Variants in GRIK4 observed in about 807,000 individuals in gnomAD.
The protein encoded by GRIK4 is glutamate ionotropic receptor kainate type subunit 4.
In GRIK4, 40 loss-of-function variants were observed where a neutral mutation model predicts 104.9. That is an observed-to-expected ratio of 0.38 (90% CI 0.30 to 0.50). The LOEUF (loss-of-function observed/expected upper bound fraction) is 0.50, where lower values mean the gene tolerates loss of function less well. Among genes scored for constraint, GRIK4 ranks in the 20% least tolerant of loss-of-function variants. The pLI, the probability that GRIK4 is intolerant of heterozygous loss-of-function variation, is 0.93. For synonymous variants in GRIK4, 485 were observed against 524.9 expected (o/e 0.92, Z 1.04); for missense variants, 1,047 against 1,308.1 (o/e 0.80, Z 3.08).
intron 8 of GRIK4, among the ~76,000 whole-genome samples, chr11:120,859,572 G>A (rs1158262485): frequency 6.6e-6 from 1 of 152,192 alleles, no homozygotes; most frequent in Non-Finnish European, 1.5e-5. Flanking sequence ...GGAAGCCAGG[G>A]AAGAGGACAT....
chr11:120,565,632 C>T (rs980207984), intron 1 of GRIK4, among the ~76,000 whole-genome samples: 2 of 152,114 alleles, frequency 1.3e-5, no homozygotes, highest in African/African-American at 4.8e-5. Context: ...TGAGGAAGGA[C>T]GACAGGTAGG....
At position 120,778,408 on chromosome 11, in the gene GRIK4, T is replaced by C. The variant is rs966057662; in HGVS notation, c.83-24285T>C. Among the ~76,000 whole-genome samples, 5 of 152,376 alleles carry C rather than the reference T, an allele frequency of 3.3e-5. No individual in the cohort carries two copies. The East Asian group carries it at 9.6e-4, about 29-fold the overall frequency. ...AAGACTCATTCCGTTTATATCCCTA[T>C]GCCTTATAGACAAGGTGAGATGAAA... On this transcript the variant is annotated intron_variant, in intron 3 of 20. Coordinates refer to ENST00000527524, the MANE Select transcript of GRIK4 (RefSeq NM_014619.5).
intron 11 of GRIK4, among the ~76,000 whole-genome samples, chr11:120,891,718 G>A (rs1054593338): frequency 2.0e-5 from 3 of 152,094 alleles, no homozygotes; most frequent in Admixed American, 6.6e-5. Context: ...AAAGATAGGC[G>A]GTAAGCAATG....
intron 3 of GRIK4, among the ~76,000 whole-genome samples, chr11:120,794,584 G>A (rs747766060): frequency 2.6e-5 from 4 of 152,114 alleles, no homozygotes; most frequent in Non-Finnish European, 4.4e-5. Context: ...CATGCACAGA[G>A]GGAAGAAAGA....
At chr11:120,771,151 C>T (rs576344555) in intron 3 of GRIK4, among the ~76,000 whole-genome samples, 1 of 152,114 alleles carries the variant, frequency 6.6e-6, no homozygotes, top group Admixed American at 6.5e-5. Flanking sequence ...TAAGGGTGAT[C>T]CTGATGAGGG....
At chr11:120,852,847 A>G (rs955383057) in intron 8 of GRIK4, among the ~76,000 whole-genome samples, 5 of 152,122 alleles carry the variant, frequency 3.3e-5, no homozygotes, top group African/African-American at 1.2e-4. Flanking sequence ...CTAAGAGAGG[A>G]CTTCTGAGAC....
At chr11:120,550,880 G>A (rs564559509) in intron 1 of GRIK4, among the ~76,000 whole-genome samples, 1 of 152,276 alleles carries the variant, frequency 6.6e-6, no homozygotes, top group South Asian at 2.1e-4. Context: ...ACAGGAGCAG[G>A]TGCACAGAGC....
chr11:120,621,897 T>G (rs1202043100), intron 1 of GRIK4, among the ~76,000 whole-genome samples: 1 of 152,070 alleles, frequency 6.6e-6, no homozygotes, highest in Admixed American at 6.6e-5. Context: ...ATTATTATTA[T>G]TGTTTTAATT....
intron 5 of GRIK4, 58 bp downstream of exon 5, chr11:120,815,533 A>G: frequency 1.9e-6 from 2 of 1,029,738 alleles, no homozygotes; most frequent in Middle Eastern, 2.0e-4. Flanking sequence ...CCCAGGGTCC[A>G]AAGATAGGGT....
intron 18 of GRIK4, among the ~76,000 whole-genome samples, chr11:120,966,679 ATTAAT>A (rs1944389573): frequency 6.6e-6 from 1 of 152,178 alleles, no homozygotes; most frequent in Non-Finnish European, 1.5e-5. Flanking sequence ...GCTGTGAGAA[ATTAAT>A]TTAAATAAAG....
At chr11:120,538,970 T>C (rs1200554352) in intron 1 of GRIK4, among the ~76,000 whole-genome samples, 1 of 152,236 alleles carries the variant, frequency 6.6e-6, no homozygotes, top group African/African-American at 2.4e-5. Context: ...TGGGAAATTC[T>C]GTATGAGAGA....
intron 7 of GRIK4, among the ~76,000 whole-genome samples, 165 bp downstream of exon 7, chr11:120,832,195 AAAG>A (rs1410897050): frequency 6.6e-6 from 1 of 152,260 alleles, no homozygotes; most frequent in African/African-American, 2.4e-5. Flanking sequence ...CCGAAAAATG[AAAG>A]AAGAAAGCAG....
intron 1 of GRIK4, among the ~76,000 whole-genome samples, chr11:120,564,282 G>A (rs1178109980): frequency 6.6e-6 from 1 of 152,256 alleles, no homozygotes; most frequent in Non-Finnish European, 1.5e-5. Flanking sequence ...CCGGAGCGCA[G>A]CTTCTGCCTT....
At chr11:120,750,267 A>G (rs916026209) in intron 3 of GRIK4, among the ~76,000 whole-genome samples, 2 of 151,984 alleles carry the variant, frequency 1.3e-5, no homozygotes, top group Non-Finnish European at 1.5e-5. Flanking sequence ...ACTGAATTGA[A>G]AAAAACAAAT....
intron 1 of GRIK4, among the ~76,000 whole-genome samples, chr11:120,629,124 GC>G (rs1257183290): frequency 6.6e-6 from 1 of 152,142 alleles, no homozygotes; most frequent in African/African-American, 2.4e-5. Context: ...GGAGGAGGTG[GC>G]CCAGAGATGG....
chr11:120,824,278 G>C lies in GRIK4; in HGVS notation c.511+4358G>C, dbSNP rs557803838. Among the ~76,000 whole-genome samples, 5 of 152,302 alleles carry C rather than the reference G, an allele frequency of 3.3e-5. No individual in the cohort carries two copies. The South Asian group carries it at 1.0e-3, about 32-fold the overall frequency. On this transcript the variant is annotated intron_variant, in intron 6 of 20. Coordinates refer to ENST00000527524, the MANE Select transcript of GRIK4 (RefSeq NM_014619.5). ...GCAAGTGCCTGTTTCTGATGAGGCT[G>C]GGGGAGGAGATGTGATGAGCAGCCC...
chr11:120,871,305 C>T, intron 9 of GRIK4: 1 of 251,564 alleles, frequency 4.0e-6, no homozygotes, highest in Non-Finnish European at 7.9e-6. Context: ...AATAAAAGAG[C>T]CACATGTGCT....
intron 14 of GRIK4, among the ~76,000 whole-genome samples, chr11:120,942,616 G>T (rs916280579): frequency 6.6e-6 from 1 of 152,172 alleles, no homozygotes. Context: ...GGGCACCACT[G>T]TCCTGAATAC....
chr11:120,583,241 G>A (rs1948612256), intron 1 of GRIK4, among the ~76,000 whole-genome samples: 1 of 152,120 alleles, frequency 6.6e-6, no homozygotes, highest in African/African-American at 2.4e-5. Flanking sequence ...TATAGATTCT[G>A]GATATTAGAC....
Sources: gnomAD v4.1 joint callset for allele counts (sites outside exome capture counted in the v4.1 genomes callset) on GRCh38, gnomAD v4.1.1 for gene constraint, MANE v1.5 for transcripts, NCBI Gene and HGNC (gene_info 2026-07-23, HGNC 2026-07-21) for gene names.